SFXN5: variants seen among roughly 807,000 people sequenced by gnomAD.
The protein encoded by SFXN5 is sideroflexin 5.
Under a neutral mutation model 50.2 loss-of-function variants are expected in SFXN5, and 43 were observed. The ratio of observed to expected loss-of-function variants is 0.86; its 90% CI spans 0.67 to 1.11. The LOEUF (loss-of-function observed/expected upper bound fraction) is 1.11. Among genes scored for constraint, SFXN5 ranks in the 50% least tolerant of loss-of-function variants. SFXN5 has a pLI of 0.00. For synonymous variants in SFXN5, 203 were observed against 185.8 expected (o/e 1.09, Z -0.75); for missense variants, 463 against 454.1 (o/e 1.02, Z -0.18).
chr2:73,034,334 G>A (rs1678689508), intron 3 of SFXN5, among the ~76,000 whole-genome samples: 1 of 152,234 alleles, frequency 6.6e-6, no homozygotes, highest in Non-Finnish European at 1.5e-5. Flanking sequence ...CTTCCCTTCG[G>A]CATCTGACAA....
intron 12 of SFXN5, among the ~76,000 whole-genome samples, chr2:72,964,910 C>T (rs1361327354): frequency 6.6e-6 from 1 of 152,236 alleles, no homozygotes; most frequent in East Asian, 1.9e-4. Context: ...AATCAACCCA[C>T]TTGCCATGGA....
intron 10 of SFXN5, among the ~76,000 whole-genome samples, chr2:72,985,257 G>A (rs762862340): frequency 3.3e-5 from 5 of 152,156 alleles, no homozygotes; most frequent in African/African-American, 1.2e-4. Context: ...TTTAACAGTG[G>A]CCCAGCCAGG....
intron 10 of SFXN5, 104 bp downstream of exon 10, chr2:72,988,154 C>G: frequency 9.7e-7 from 1 of 1,033,306 alleles, no homozygotes; most frequent in Non-Finnish European, 1.4e-6. Context: ...CTGGGTGCCC[C>G]CTGGGCATCA....
chr2:73,024,433 G>A lies in SFXN5; in HGVS notation c.250-1219C>T, dbSNP rs570885915. ...ACACTTTAGGAGGCCAAAGCAGGAG[G>A]ATTGCTGAGCCCAGGATCAGTCCAC... On this transcript the variant is annotated intron_variant, in intron 3 of 13. Transcript: ENST00000272433. Among the ~76,000 whole-genome samples, 37 of 152,326 alleles carry A rather than the reference G, an allele frequency of 2.4e-4. 1 individual carries two copies. Among genetic ancestry groups the A allele is most frequent in the Non-Finnish European group, 5.9e-5 (4 of 68,028 alleles).
At chr2:73,012,055 G>A (rs1288893375) in intron 6 of SFXN5, among the ~76,000 whole-genome samples, 2 of 152,196 alleles carry the variant, frequency 1.3e-5, no homozygotes, top group Non-Finnish European at 2.9e-5. Flanking sequence ...AATTGTTATG[G>A]AGGCAAACTG....
chr2:73,041,807 A>T (rs1396724649), intron 2 of SFXN5: 1 of 190,560 alleles, frequency 5.2e-6, no homozygotes, highest in Non-Finnish European at 1.2e-5. Flanking sequence ...GGCTCAAGTG[A>T]TCCTCCCACC....
intron 1 of SFXN5, among the ~76,000 whole-genome samples, chr2:73,069,024 G>A (rs1164541678): frequency 6.8e-6 from 1 of 146,600 alleles, no homozygotes; most frequent in Non-Finnish European, 1.5e-5. Flanking sequence ...AGGAGGGTGC[G>A]AAGTGTGGGT....
At chr2:72,971,537 G>T (rs1184448065) in intron 11 of SFXN5, 33 bp downstream of exon 11, 1 of 1,522,746 alleles carries the variant, frequency 6.6e-7, no homozygotes, top group Non-Finnish European at 9.1e-7. Flanking sequence ...CCCTGTTGCT[G>T]GCCTCCCCAA....
rs1330048761 is a variant in SFXN5, at chr2:72,961,416, T to C, written c.828-168A>G. 6.6e-6 allele frequency among the ~76,000 whole-genome samples: 1 copy of C among 152,182 alleles called. No homozygotes were observed. Among genetic ancestry groups the C allele is most frequent in the Non-Finnish European group, 1.5e-5 (1 of 68,026 alleles). ...GCAGAGTTCTGTCTTTGGGACCTTT[T>C]CCCGATAGGTACCCCTATCCCAGCG... On this transcript the variant is annotated intron_variant, in intron 12 of 13. Transcript: ENST00000272433. This position sits in a 1 kb window ranked among gnomAD's most constrained non-coding sequence, Gnocchi z 4.4.
At chr2:73,063,118 C>A (rs141990666) in intron 1 of SFXN5, among the ~76,000 whole-genome samples, 1 of 152,250 alleles carries the variant, frequency 6.6e-6, no homozygotes, top group East Asian at 1.9e-4. Flanking sequence ...AAGAAGCATA[C>A]TGATTAAGTG....
At chr2:72,951,596 T>G (rs1412065305) in intron 13 of SFXN5, among the ~76,000 whole-genome samples, 1 of 151,872 alleles carries the variant, frequency 6.6e-6, no homozygotes, top group Non-Finnish European at 1.5e-5. Context: ...TGCGGAGACA[T>G]AAACAGGAAA....
chr2:73,011,637 C>A (rs983940835), intron 6 of SFXN5, among the ~76,000 whole-genome samples: 1 of 152,038 alleles, frequency 6.6e-6, no homozygotes, highest in Non-Finnish European at 1.5e-5. Flanking sequence ...AGGGGGAATA[C>A]AAATCACCAA....
chr2:73,064,258 A>G (rs1022460426), intron 1 of SFXN5, among the ~76,000 whole-genome samples: 1 of 152,258 alleles, frequency 6.6e-6, no homozygotes, highest in African/African-American at 2.4e-5. Flanking sequence ...CGCTGAACCT[A>G]CAGCCCAAAG....
At position 73,011,612 on chromosome 2, in the gene SFXN5, C is replaced by T. The variant is rs375759966; in HGVS notation, c.357+8627G>A. 2.0e-5 allele frequency among the ~76,000 whole-genome samples: 3 copies of T among 152,094 alleles called. No individual in the cohort carries two copies. In the East Asian group the frequency reaches 5.8e-4, roughly 29 times the overall value. Reference sequence around the variant, plus strand: ...TGGAAGAATGGACAAAGAGTGTGAACAGGTAATTCAGAGAAGGGGGAATAC... The same window carrying T: ...TGGAAGAATGGACAAAGAGTGTGAATAGGTAATTCAGAGAAGGGGGAATAC... On this transcript the variant is annotated intron_variant, in intron 6 of 13. Coordinates refer to ENST00000272433, the MANE Select transcript of SFXN5 (RefSeq NM_144579.3).
At chr2:73,056,920 C>G (rs530794140) in intron 2 of SFXN5, among the ~76,000 whole-genome samples, 1 of 152,132 alleles carries the variant, frequency 6.6e-6, no homozygotes, top group Non-Finnish European at 1.5e-5. Flanking sequence ...TAGGATCCAG[C>G]AATCCCATTC....
At chr2:73,037,979 T>C (rs1333670275) in intron 3 of SFXN5, among the ~76,000 whole-genome samples, 1 of 152,052 alleles carries the variant, frequency 6.6e-6, no homozygotes, top group Admixed American at 6.5e-5. Context: ...AAAAAGAAAC[T>C]CAAAGACAGA....
In SFXN5 at chr2:72,960,912, C is replaced by G. The variant is rs1673649725; in HGVS notation, c.945+219G>C. Among the ~76,000 whole-genome samples the G allele has an allele frequency of 1.3e-5, 2 of 152,208 alleles. No individual in the cohort carries two copies. Among genetic ancestry groups the G allele is most frequent in the African/African-American group, 4.8e-5 (2 of 41,458 alleles). ...CCACACCCAGTGGAGCTTCTCCCACCCTAACGCTCCTGGCTCCTCATCTGC... is the reference window on the plus strand; with the variant it reads ...CCACACCCAGTGGAGCTTCTCCCACGCTAACGCTCCTGGCTCCTCATCTGC... On this transcript the variant is annotated intron_variant, in intron 13 of 13. Transcript: ENST00000272433. The surrounding 1 kb of genome is among the most constrained non-coding windows in gnomAD (Gnocchi z 6.1).
chr2:72,971,570 G>A lies in SFXN5; in HGVS notation c.741C>T (p.His247=), dbSNP rs982226797. The A allele has an allele frequency of 9.3e-6, 15 of 1,612,758 alleles. No individual in the cohort carries two copies. The highest frequency in any genetic ancestry group is 2.2e-5 in the East Asian group (1 of 44,856). Residue 247 remains histidine, a splice_region_variant and synonymous_variant, in exon 11 of 14, where the codon CAC becomes CAT. Coordinates refer to ENST00000272433, the MANE Select transcript of SFXN5 (RefSeq NM_144579.3). ...LVGSSKIAAR[H]ALLETALTRV... ...CAACCCTGCGAACCCCCAGACCCAC[G>A]TGTCGGGCTGCGATCTTGGAGGAGC...
At chr2:73,012,570 T>C (rs1319588022) in intron 6 of SFXN5, among the ~76,000 whole-genome samples, 9 of 150,766 alleles carry the variant, frequency 6.0e-5, no homozygotes, top group Admixed American at 5.3e-4. Flanking sequence ...GAAAAAAAGA[T>C]CTCCAGATAT....
Sources: allele counts gnomAD v4.1 joint callset (sites outside exome capture counted in the v4.1 genomes callset), GRCh38; gene constraint gnomAD v4.1.1; non-coding constraint Gnocchi (gnomAD v3.1); transcripts MANE v1.5; gene names NCBI Gene and HGNC (gene_info 2026-07-23, HGNC 2026-07-21).